Variants in ZNF16 observed in about 807,000 individuals in gnomAD.
ZNF16 encodes the protein zinc finger protein KOX9.
A neutral mutation model predicts 9.0 loss-of-function variants in ZNF16; 7 were observed. That is an observed-to-expected ratio of 0.78 (90% CI 0.44 to 1.47). The LOEUF (loss-of-function observed/expected upper bound fraction) is 1.47, where lower values mean the gene tolerates loss of function less well. Ranked by LOEUF, ZNF16 falls within the 40% of genes most tolerant of loss-of-function variation. ZNF16 has a pLI of 0.01. For synonymous variants in ZNF16, 312 were observed against 301.5 expected (o/e 1.03, Z -0.36); for missense variants, 830 against 854.2 (o/e 0.97, Z 0.35).
intron 1 of ZNF16, chr8:144,948,272 G>C (rs1374920993): frequency 6.6e-6 from 1 of 152,256 alleles, no homozygotes; most frequent in East Asian, 1.9e-4. Flanking sequence ...TGTGTCAGGA[G>C]AGACAAAACT....
At chr8:144,950,751 G>C (rs1834097301) in intron 1 of ZNF16, 46 bp downstream of exon 1, 2 of 152,248 alleles carry the variant, frequency 1.3e-5, no homozygotes, top group Admixed American at 1.3e-4. Context: ...GGGCATCAGG[G>C]ACAACCAGAC....
At position 144,932,032 on chromosome 8, in the gene ZNF16, A is replaced by T; in HGVS notation, c.755T>A (p.Leu252His). Residue 252 changes from leucine to histidine, a missense_variant, in exon 3 of 3, where the codon CTT becomes CAT. Coordinates refer to ENST00000394909, the MANE Select transcript of ZNF16 (RefSeq NM_006958.3). The surrounding 1 kb of genome is among the most constrained non-coding windows in gnomAD (Gnocchi z 5.0). ...CATATGAGATCGATGACGGTTTTTAAGAACTGAGTTCTGGCTGAAGGTTTT... is the reference window on the plus strand; with the variant it reads ...CATATGAGATCGATGACGGTTTTTATGAACTGAGTTCTGGCTGAAGGTTTT... ...CGKTFSQNSV[L>H]KNRHRSHMSE... The T allele has an allele frequency of 6.2e-7, 1 of 1,614,176 alleles. No individual in the cohort carries two copies. Among genetic ancestry groups the T allele is most frequent in the East Asian group, 2.2e-5 (1 of 44,872 alleles).
chr8:144,941,099 C>T (rs565809435), intron 2 of ZNF16, among the ~76,000 whole-genome samples: 41 of 152,236 alleles, frequency 2.7e-4, no homozygotes, highest in East Asian at 1.4e-3. Flanking sequence ...TGGGTTGTAA[C>T]GCTGTTCAAA....
chr8:144,931,467 T>C lies in ZNF16; in HGVS notation c.1320A>G (p.Lys440=). Residue 440 remains lysine, a synonymous_variant, in exon 3 of 3, where the codon AAA becomes AAG. Coordinates refer to ENST00000394909, the MANE Select transcript of ZNF16 (RefSeq NM_006958.3). The stretch of plus-strand genomic sequence containing the variant: ...TAAGGCTGGAGCTCTGACTAAATGC[T>C]TTCCCACAGTCACTGCACTTATAGG... ...EKPYKCSDCG[K]AFSQSSSLIQ... 2 of 1,614,082 alleles carry C rather than the reference T, an allele frequency of 1.2e-6. No homozygotes were observed. Among genetic ancestry groups the C allele is most frequent in the Non-Finnish European group, 1.7e-6 (2 of 1,180,008 alleles).
At chr8:144,947,563 G>A (rs1476389397) in intron 1 of ZNF16, among the ~76,000 whole-genome samples, 4 of 152,154 alleles carry the variant, frequency 2.6e-5, no homozygotes, top group South Asian at 2.1e-4. Context: ...ATGTGTCAAC[G>A]CCTACCAAAT....
At chr8:144,943,712 G>T (rs1159016332) in intron 2 of ZNF16, among the ~76,000 whole-genome samples, 1 of 151,832 alleles carries the variant, frequency 6.6e-6, no homozygotes, top group Non-Finnish European at 1.5e-5. Context: ...TAGAGACAGG[G>T]TTTCACCACG....
At position 144,932,059 on chromosome 8, in the gene ZNF16, CCA is replaced by C; in HGVS notation, c.726_727del (p.Cys242TrpfsTer11). 6.2e-7 allele frequency: 1 copy of C among 1,614,090 alleles called. No homozygotes were observed. The highest frequency in any genetic ancestry group is 2.2e-5 in the East Asian group (1 of 44,870). ...AACTGAGTTCTGGCTGAAGGTTTTC[CCA>C]CAATCATCACACATAAAGGAAGCCT... is the stretch of plus-strand genomic sequence containing the variant. On this transcript the variant is annotated frameshift_variant, in exon 3 of 3. Transcript: ENST00000394909. LOFTEE classifies it low-confidence loss of function (END_TRUNC). This position sits in a 1 kb window ranked among gnomAD's most constrained non-coding sequence, Gnocchi z 5.0.
At chr8:144,935,668 A>G (rs1252829928) in intron 2 of ZNF16, among the ~76,000 whole-genome samples, 2 of 152,248 alleles carry the variant, frequency 1.3e-5, no homozygotes, top group Non-Finnish European at 2.9e-5. Context: ...GTGAAGAGGA[A>G]ACACATCTTT....
Position 144,945,813 on chromosome 8 carries a change from C to CA in ZNF16, c.196+197dup. 3 of 1,094,858 alleles carry CA rather than the reference C, an allele frequency of 2.7e-6. No individual in the cohort carries two copies. The South Asian group carries it at 6.0e-5, about 22-fold the overall frequency. 67.8% of individuals were successfully genotyped at this position (1,094,858 alleles called of 1,614,324 possible). On this transcript the variant is annotated intron_variant, in intron 2 of 2. Coordinates refer to ENST00000394909, the MANE Select transcript of ZNF16 (RefSeq NM_006958.3). The stretch of plus-strand genomic sequence containing the variant: ...ACCTCTTCGTGTCAAGTGGGGAAAT[C>CA]ACAGTTCTGCTCAAGGTGCCAGGGG...
At chr8:144,947,057 CTGCTGTGGGCCTG>C in intron 1 of ZNF16, among the ~76,000 whole-genome samples, 1 of 137,958 alleles carries the variant, frequency 7.2e-6, no homozygotes, top group African/African-American at 2.9e-5. Flanking sequence ...GGCCTGTGTC[CTGCTGTGGGCCTG>C]TACCCTACTG....
At chr8:144,946,891 TCCTGCTGTGGGGCCTGTAC>T (rs1586960772) in intron 1 of ZNF16, among the ~76,000 whole-genome samples, 1 of 132,034 alleles carries the variant, frequency 7.6e-6, no homozygotes, top group Non-Finnish European at 1.5e-5. Flanking sequence ...GGGGCCTGTG[TCCTGCTGTGGGGCCTGTAC>T]CCTGCTGTGG....
chr8:144,934,781 A>G (rs1833641348), intron 2 of ZNF16, among the ~76,000 whole-genome samples: 2 of 152,236 alleles, frequency 1.3e-5, no homozygotes, highest in South Asian at 4.1e-4. Flanking sequence ...TACTTCTGTG[A>G]AGGGTCAGAG....
intron 1 of ZNF16, among the ~76,000 whole-genome samples, chr8:144,949,050 G>C (rs1475780636): frequency 6.6e-6 from 1 of 152,272 alleles, no homozygotes; most frequent in Admixed American, 6.5e-5. Flanking sequence ...CCAACCTCAA[G>C]AAAAACAGAT....
chr8:144,945,122 CT>C (rs58690759), intron 2 of ZNF16: 55 of 144,456 alleles, frequency 3.8e-4, no homozygotes, highest in South Asian at 1.1e-3. Flanking sequence ...TATATAGGTG[CT>C]TTTTTTTTTT....
At chr8:144,940,588 T>C (rs1242599719) in intron 2 of ZNF16, among the ~76,000 whole-genome samples, 2 of 152,244 alleles carry the variant, frequency 1.3e-5, no homozygotes, top group Admixed American at 1.3e-4. Flanking sequence ...CCAATCTTTT[T>C]AAATTTATTG....
At chr8:144,950,030 G>GCCC (rs1834061899) in intron 1 of ZNF16, among the ~76,000 whole-genome samples, 1 of 152,202 alleles carries the variant, frequency 6.6e-6, no homozygotes, top group African/African-American at 2.4e-5. Flanking sequence ...GAGAAAAACT[G>GCCC]CCCTATGGTG....
chr8:144,936,356 A>C (rs1467121176), intron 2 of ZNF16, among the ~76,000 whole-genome samples: 4 of 152,202 alleles, frequency 2.6e-5, no homozygotes, highest in African/African-American at 7.2e-5. Context: ...GCTATCATGA[A>C]TACTACTGCT....
intron 2 of ZNF16, among the ~76,000 whole-genome samples, chr8:144,935,559 A>C (rs989805371): frequency 1.3e-5 from 2 of 152,212 alleles, no homozygotes; most frequent in African/African-American, 4.8e-5. Context: ...GTGAAGAAAA[A>C]GATTTGAAAG....
chr8:144,947,956 C>T (rs962466675), intron 1 of ZNF16: 1 of 152,322 alleles, frequency 6.6e-6, no homozygotes, highest in Non-Finnish European at 1.5e-5. Flanking sequence ...CCTTCACTCA[C>T]ATTGTACTGA....
Sources: allele counts gnomAD v4.1 joint callset (sites outside exome capture counted in the v4.1 genomes callset), GRCh38; gene constraint gnomAD v4.1.1; non-coding constraint Gnocchi (gnomAD v3.1); transcripts MANE v1.5; gene names NCBI Gene and HGNC (gene_info 2026-07-23, HGNC 2026-07-21).